TAFA2: variants seen among roughly 807,000 people sequenced by gnomAD.
TAFA2 encodes the protein chemokine-like protein TAFA-2.
TAFA2 carries 7 observed loss-of-function variants against 18.8 expected under a neutral mutation model. That is an observed-to-expected ratio of 0.37 (90% CI 0.21 to 0.70). The LOEUF is 0.70. TAFA2 is among the 30% of genes least tolerant of loss of function. The pLI is 0.53. For missense variants in TAFA2, 122 were observed against 158.1 expected, an observed-to-expected ratio of 0.77 and a Z score of 1.23; for synonymous variants, 60 against 54.2, an observed-to-expected ratio of 1.11 and a Z score of -0.47.
At chr12:62,151,464 A>G (rs2062327785) in intron 1 of TAFA2, among the ~76,000 whole-genome samples, 1 of 152,240 alleles carries the variant, frequency 6.6e-6, no homozygotes, top group South Asian at 2.1e-4. Context: ...CTTTACTTTC[A>G]ATGTAGAAGA....
chr12:61,731,446 T>C (rs989818414), intron 4 of TAFA2, among the ~76,000 whole-genome samples: 2 of 152,124 alleles, frequency 1.3e-5, no homozygotes, highest in African/African-American at 4.8e-5. Flanking sequence ...TTTCCAGCAG[T>C]TAATTTTTGC....
intron 1 of TAFA2, among the ~76,000 whole-genome samples, chr12:62,228,102 G>T (rs1920095): frequency 0.89 from 135,296 of 152,156 alleles, 60,260 homozygotes; most frequent in Middle Eastern, 0.93. Flanking sequence ...TGAAATAATT[G>T]TTTTAATTTT....
intron 1 of TAFA2, among the ~76,000 whole-genome samples, chr12:62,041,027 C>T (rs966110668): frequency 5.3e-5 from 8 of 151,988 alleles, no homozygotes; most frequent in African/African-American, 1.7e-4. Flanking sequence ...CTAACAAGAC[C>T]CTATTATTCA....
intron 1 of TAFA2, among the ~76,000 whole-genome samples, chr12:62,185,256 T>G (rs2136955566): frequency 6.6e-6 from 1 of 152,332 alleles, no homozygotes; most frequent in South Asian, 2.1e-4. Context: ...TCCTTAAAGT[T>G]TTCCAAAATG....
chr12:62,147,079 T>C (rs1003535610), intron 1 of TAFA2, among the ~76,000 whole-genome samples: 4 of 151,266 alleles, frequency 2.6e-5, no homozygotes, highest in African/African-American at 9.7e-5. Context: ...GGATACTCTA[T>C]TCAATAAAGA....
chr12:61,836,722 T>C (rs1872933285), intron 2 of TAFA2, among the ~76,000 whole-genome samples: 1 of 140,860 alleles, frequency 7.1e-6, no homozygotes, highest in South Asian at 2.3e-4. Context: ...TTTAGAATTG[T>C]TGCCAATTTG....
At chr12:61,774,211 C>A (rs1053993729) in intron 2 of TAFA2, among the ~76,000 whole-genome samples, 1 of 151,846 alleles carries the variant, frequency 6.6e-6, no homozygotes, top group Non-Finnish European at 1.5e-5. Context: ...AAAGGGAACA[C>A]TTTTACACTG....
At chr12:61,923,142 G>A (rs925608046) in intron 1 of TAFA2, among the ~76,000 whole-genome samples, 1 of 152,194 alleles carries the variant, frequency 6.6e-6, no homozygotes, top group Non-Finnish European at 1.5e-5. Context: ...TACAGCACCT[G>A]GGGGAAGAGG....
intron 1 of TAFA2, among the ~76,000 whole-genome samples, chr12:61,909,349 C>T (rs1300760106): frequency 2.0e-5 from 3 of 152,072 alleles, no homozygotes; most frequent in African/African-American, 2.4e-5. Flanking sequence ...AGCAGGACAT[C>T]GCATATAAGG....
intron 1 of TAFA2, chr12:62,234,850 AC>A: frequency 9.6e-7 from 1 of 1,040,196 alleles, no homozygotes. Context: ...AGATCCTAAA[AC>A]CAGCAATGAC....
intron 2 of TAFA2, among the ~76,000 whole-genome samples, chr12:61,834,570 GTGTATGAAACTT>G (rs1409921726): frequency 1.3e-5 from 2 of 151,992 alleles, no homozygotes; most frequent in Non-Finnish European, 2.9e-5. Context: ...TACTGACCTA[GTGTATGAAACTT>G]TGTACAATGT....
At chr12:61,903,703 C>T (rs562940804) in intron 1 of TAFA2, among the ~76,000 whole-genome samples, 9 of 152,160 alleles carry the variant, frequency 5.9e-5, no homozygotes, top group East Asian at 3.9e-4. Flanking sequence ...GCTTGATTTG[C>T]GTGCTATTCT....
Position 61,851,900 on chromosome 12 carries a change from A to T in TAFA2, c.106+15420T>A, listed in dbSNP as rs898670793. 3.4e-5 allele frequency among the ~76,000 whole-genome samples: 5 copies of T among 146,736 alleles called. No individual in the cohort carries two copies. In the Admixed American group the frequency reaches 3.5e-4, roughly 10 times the overall value. On this transcript the variant is annotated intron_variant, in intron 2 of 4. Coordinates refer to ENST00000416284, the MANE Select transcript of TAFA2 (RefSeq NM_178539.5). ...AGCACCTGGGTCGACAATGGATAAGAGTCAGGACATTTTGGATAAAAGACA... is the reference window on the plus strand; with the variant it reads ...AGCACCTGGGTCGACAATGGATAAGTGTCAGGACATTTTGGATAAAAGACA...
intron 2 of TAFA2, among the ~76,000 whole-genome samples, chr12:61,858,260 T>C (rs887810654): frequency 6.6e-6 from 1 of 152,172 alleles, no homozygotes; most frequent in African/African-American, 2.4e-5. Flanking sequence ...CCTTATTTCT[T>C]TTCCAGCCCA....
At chr12:62,016,101 T>C (rs1242263677) in intron 1 of TAFA2, among the ~76,000 whole-genome samples, 1 of 152,246 alleles carries the variant, frequency 6.6e-6, no homozygotes, top group Admixed American at 6.5e-5. Flanking sequence ...GTGTCACACA[T>C]GGCAGTTATA....
At chr12:61,913,928 T>G (rs114445273) in intron 1 of TAFA2, among the ~76,000 whole-genome samples, 1,608 of 152,222 alleles carry the variant, frequency 0.011, 12 homozygotes, top group African/African-American at 0.036. Flanking sequence ...AGAATAAAGG[T>G]GACAAAAGAA....
chr12:61,709,527 A>T lies in TAFA2; in HGVS notation c.*879T>A, dbSNP rs1350749231. 1 of 152,082 alleles carries T rather than the reference A, an allele frequency of 6.6e-6. No homozygotes were observed. Among genetic ancestry groups the T allele is most frequent in the Non-Finnish European group, 1.5e-5 (1 of 67,964 alleles). 9.4% of individuals were successfully genotyped at this position (152,082 alleles called of 1,614,324 possible). On this transcript the variant is annotated 3_prime_UTR_variant, in exon 5 of 5. Transcript: ENST00000416284. ...CATGCATCCCTGTCAATTTTTTTGAAACTGAAGGCTACCCATTAACTTGAC... is the reference window on the plus strand; with the variant it reads ...CATGCATCCCTGTCAATTTTTTTGATACTGAAGGCTACCCATTAACTTGAC...
intron 1 of TAFA2, among the ~76,000 whole-genome samples, chr12:61,885,213 C>T (rs1164993316): frequency 2.0e-5 from 3 of 152,184 alleles, no homozygotes; most frequent in East Asian, 1.9e-4. Context: ...TATCCAGGTC[C>T]TCTGATTACA....
chr12:62,214,345 C>T (rs1273829507), intron 1 of TAFA2, among the ~76,000 whole-genome samples: 1 of 152,116 alleles, frequency 6.6e-6, no homozygotes, highest in Admixed American at 6.5e-5. Flanking sequence ...AATGGGAGTT[C>T]CCCTGCACAA....
Sources: gnomAD v4.1 joint callset for allele counts (sites outside exome capture counted in the v4.1 genomes callset) on GRCh38, gnomAD v4.1.1 for gene constraint, MANE v1.5 for transcripts, NCBI Gene and HGNC (gene_info 2026-07-23, HGNC 2026-07-21) for gene names.